NPAS3: variants seen among roughly 807,000 people sequenced by gnomAD.
NPAS3 encodes the protein neuronal PAS domain-containing protein 3.
In NPAS3, 14 loss-of-function variants were observed where a neutral mutation model predicts 73.1. The observed-to-expected ratio is 0.19, with a 90% confidence interval of 0.13 to 0.30. NPAS3 has a LOEUF of 0.30. Ranked by LOEUF, NPAS3 falls within the 10% of genes least tolerant of loss-of-function variation. The pLI is 1.00. For missense variants in NPAS3, 1,096 were observed against 1,250.0 expected (o/e 0.88, Z 1.86); for synonymous variants, 620 against 541.5 (o/e 1.14, Z -2.01).
At chr14:33,119,734 G>T (rs1302548718) in intron 2 of NPAS3, among the ~76,000 whole-genome samples, 1 of 152,124 alleles carries the variant, frequency 6.6e-6, no homozygotes, top group Non-Finnish European at 1.5e-5. Flanking sequence ...AAGGCATTCA[G>T]AATCAAGATC....
intron 2 of NPAS3, among the ~76,000 whole-genome samples, chr14:33,088,109 A>G (rs2042097748): frequency 6.6e-6 from 1 of 152,216 alleles, no homozygotes; most frequent in Admixed American, 6.5e-5. Flanking sequence ...TCCTAGTGTG[A>G]GCGACACAGA....
chr14:33,298,975 T>C (rs779722317), intron 3 of NPAS3, among the ~76,000 whole-genome samples: 15 of 152,120 alleles, frequency 9.9e-5, no homozygotes, highest in Non-Finnish European at 2.1e-4. Flanking sequence ...CACCACCAAA[T>C]CACCACAAAT....
chr14:33,760,395 G>A (rs528813874), intron 7 of NPAS3, among the ~76,000 whole-genome samples: 3 of 152,222 alleles, frequency 2.0e-5, no homozygotes, highest in African/African-American at 7.2e-5. Flanking sequence ...ATCTAAAATA[G>A]CGCCTGGCAA....
intron 4 of NPAS3, among the ~76,000 whole-genome samples, chr14:33,558,826 C>T (rs1418374810): frequency 6.7e-6 from 1 of 149,508 alleles, no homozygotes; most frequent in Non-Finnish European, 1.5e-5. Context: ...GCGCGGGTTT[C>T]CTGTATTTGC....
intron 2 of NPAS3, among the ~76,000 whole-genome samples, chr14:33,204,485 C>T (rs183673808): frequency 6.6e-6 from 1 of 152,192 alleles, no homozygotes; most frequent in East Asian, 1.9e-4. Context: ...AGACTTGGGA[C>T]AGGATCTGAG....
chr14:33,263,262 T>G (rs977857412), intron 3 of NPAS3, among the ~76,000 whole-genome samples: 1 of 152,216 alleles, frequency 6.6e-6, no homozygotes, highest in Non-Finnish European at 1.5e-5. Flanking sequence ...GGTCTAACAT[T>G]TAAGTCTTTA....
At chr14:33,396,389 A>C (rs999855996) in intron 4 of NPAS3, among the ~76,000 whole-genome samples, 1 of 152,148 alleles carries the variant, frequency 6.6e-6, no homozygotes, top group African/African-American at 2.4e-5. Flanking sequence ...TTCAAGGAAA[A>C]TACCTTTGTT....
chr14:33,626,358 G>A lies in NPAS3; in HGVS notation c.559-49853G>A, dbSNP rs144724278. On this transcript the variant is annotated intron_variant, in intron 5 of 11. Coordinates refer to ENST00000356141, the Ensembl canonical transcript of NPAS3. Reference sequence around the variant, plus strand: ...TTGCCTTTCTCTTAACAGAGGATACGTAAATATCCCAAATGTTGAATATAT... The same window carrying A: ...TTGCCTTTCTCTTAACAGAGGATACATAAATATCCCAAATGTTGAATATAT... Among the ~76,000 whole-genome samples the A allele has an allele frequency of 5.1e-4, 77 of 152,202 alleles. No homozygotes were observed. The East Asian group carries it at 0.011, about 22-fold the overall frequency.
At chr14:33,350,941 A>G (rs1476134147) in intron 3 of NPAS3, among the ~76,000 whole-genome samples, 1 of 152,194 alleles carries the variant, frequency 6.6e-6, no homozygotes, top group African/African-American at 2.4e-5. Context: ...GTTTTAGTGC[A>G]GCAATTTATC....
intron 2 of NPAS3, among the ~76,000 whole-genome samples, chr14:33,060,515 G>T (rs1255535296): frequency 2.0e-5 from 3 of 152,230 alleles, no homozygotes; most frequent in African/African-American, 7.2e-5. Flanking sequence ...GTTTGTAATG[G>T]ATTTAGACAG....
At chr14:33,342,879 T>C (rs2044551040) in intron 3 of NPAS3, among the ~76,000 whole-genome samples, 1 of 152,200 alleles carries the variant, frequency 6.6e-6, no homozygotes, top group Non-Finnish European at 1.5e-5. Flanking sequence ...TAATATAGTA[T>C]TTGTTTATTC....
chr14:33,212,388 C>G (rs1455671904), intron 2 of NPAS3, among the ~76,000 whole-genome samples: 6 of 151,806 alleles, frequency 4.0e-5, no homozygotes, highest in Non-Finnish European at 4.4e-5. Flanking sequence ...GAAGATTACT[C>G]TAATAGGGGG....
At chr14:33,471,317 T>G (rs1366523389) in intron 4 of NPAS3, among the ~76,000 whole-genome samples, 1 of 152,236 alleles carries the variant, frequency 6.6e-6, no homozygotes, top group Non-Finnish European at 1.5e-5. Flanking sequence ...CACCGCTTTT[T>G]GCCAACCATA....
At chr14:33,742,534 C>A (rs1253448271) in intron 7 of NPAS3, among the ~76,000 whole-genome samples, 1 of 152,176 alleles carries the variant, frequency 6.6e-6, no homozygotes, top group Non-Finnish European at 1.5e-5. Context: ...GAACTGCTAA[C>A]AATCATCTGA....
intron 4 of NPAS3, among the ~76,000 whole-genome samples, chr14:33,392,206 C>T (rs371243271): frequency 6.8e-4 from 103 of 152,148 alleles, no homozygotes; most frequent in African/African-American, 2.5e-3. Context: ...TTTATTTTTG[C>T]CGCCCTTAAA....
intron 4 of NPAS3, among the ~76,000 whole-genome samples, chr14:33,418,670 A>AT (rs71946587): frequency 0.46 from 69,135 of 151,148 alleles, 17,094 homozygotes; most frequent in East Asian, 0.67. Flanking sequence ...TTTTATTTTT[A>AT]TTTTTAAAGG....
chr14:33,080,089 T>C (rs867582439), intron 2 of NPAS3, among the ~76,000 whole-genome samples: 3 of 152,020 alleles, frequency 2.0e-5, no homozygotes, highest in Admixed American at 6.5e-5. Flanking sequence ...GGACATATAG[T>C]CCAATCTGAT....
chr14:33,661,245 TTAAAA>T (rs1328286772), intron 5 of NPAS3, among the ~76,000 whole-genome samples: 4 of 152,148 alleles, frequency 2.6e-5, no homozygotes, highest in Non-Finnish European at 4.4e-5. Context: ...TTCCTTAATA[TTAAAA>T]TAAAGTCTTT....
At chr14:33,308,368 G>A (rs921260121) in intron 3 of NPAS3, among the ~76,000 whole-genome samples, 1 of 151,944 alleles carries the variant, frequency 6.6e-6, no homozygotes, top group Non-Finnish European at 1.5e-5. Context: ...GAAAATGGAA[G>A]TGATGAAGCT....
Sources: allele counts gnomAD v4.1 joint callset (sites outside exome capture counted in the v4.1 genomes callset), GRCh38; gene constraint gnomAD v4.1.1; transcripts MANE v1.5; gene names NCBI Gene and HGNC (gene_info 2026-07-23, HGNC 2026-07-21).